Variants in ABCC1 observed in about 807,000 individuals in gnomAD.
ABCC1 encodes multidrug resistance-associated protein 1.
A neutral mutation model predicts 172.9 loss-of-function variants in ABCC1; 83 were observed. That is an observed-to-expected ratio of 0.48 (90% CI 0.40 to 0.58). ABCC1 has a LOEUF of 0.58. Among genes scored for constraint, ABCC1 ranks in the 20% least tolerant of loss-of-function variants. The pLI is 0.00. For synonymous variants in ABCC1, 937 were observed against 825.2 expected, an observed-to-expected ratio of 1.14 and a Z score of -2.32; for missense variants, 1,817 against 2,002.7, an observed-to-expected ratio of 0.91 and a Z score of 1.77.
chr16:16,128,493 A>G (rs2045538891), intron 26 of ABCC1, among the ~76,000 whole-genome samples: 1 of 152,076 alleles, frequency 6.6e-6, no homozygotes, highest in Admixed American at 6.5e-5. Flanking sequence ...TGACTTTTAT[A>G]TTTTTAGAAG....
intron 1 of ABCC1, among the ~76,000 whole-genome samples, chr16:15,990,269 A>G (rs2046828387): frequency 6.6e-6 from 1 of 150,766 alleles, no homozygotes; most frequent in Non-Finnish European, 1.5e-5. Flanking sequence ...CTGGTCTTGA[A>G]CTCCTGACTT....
rs141731232 is a variant in ABCC1, at chr16:16,000,099, C to T, written c.49-7717C>T. Among the ~76,000 whole-genome samples the T allele has an allele frequency of 3.6e-3, 544 of 151,544 alleles. 7 individuals are homozygous for T. The highest frequency in any genetic ancestry group is 0.013 in the African/African-American group (521 of 41,356). ...TGAACTCCTGATCTCATGATCTGCC[C>T]GCCTCGGTCTCCCAAAGTGTTGGGA... On this transcript the variant is annotated intron_variant, in intron 1 of 30. Coordinates refer to ENST00000399410, the MANE Select transcript of ABCC1 (RefSeq NM_004996.4).
chr16:16,000,667 C>T (rs2047276047), intron 1 of ABCC1, among the ~76,000 whole-genome samples: 1 of 151,902 alleles, frequency 6.6e-6, no homozygotes, highest in African/African-American at 2.4e-5. Flanking sequence ...ATTATGTTTC[C>T]CAGGCTGGTC....
At position 16,052,718 on chromosome 16, in the gene ABCC1, C is replaced by A. The variant is rs1200998752; in HGVS notation, c.1381-6C>A. 1 of 1,613,830 alleles carries A rather than the reference C, an allele frequency of 6.2e-7. No individual in the cohort carries two copies. The highest frequency in any genetic ancestry group is 8.5e-7 in the Non-Finnish European group (1 of 1,179,886). On this transcript the variant is annotated splice_polypyrimidine_tract_variant and splice_region_variant and intron_variant, in intron 10 of 30. Transcript: ENST00000399410. ...GAGTGATGAAGAGTCTCCTTTCCTT[C>A]CTTAGAATCTGGGCCCTTCCGTCCT...
intron 23 of ABCC1, among the ~76,000 whole-genome samples, chr16:16,118,043 T>C (rs2044975146): frequency 6.6e-6 from 1 of 152,210 alleles, no homozygotes; most frequent in South Asian, 2.1e-4. Flanking sequence ...TATCGCAGGA[T>C]AGATAATGTT....
intron 24 of ABCC1, among the ~76,000 whole-genome samples, chr16:16,122,743 T>G (rs976507713): frequency 2.8e-5 from 4 of 141,974 alleles, no homozygotes; most frequent in Non-Finnish European, 6.1e-5. Context: ...AAGTAGCCCA[T>G]CATGGTGGTG....
intron 19 of ABCC1, chr16:16,098,784 A>G: frequency 5.8e-6 from 7 of 1,200,608 alleles, no homozygotes; most frequent in Non-Finnish European, 7.9e-6. Context: ...TAGAAAAGAC[A>G]CTCCCTTCAC....
intron 6 of ABCC1, 125 bp downstream of exon 6, chr16:16,033,295 C>T: frequency 1.1e-6 from 1 of 931,834 alleles, no homozygotes; most frequent in East Asian, 2.5e-5. Context: ...GCAGAGTTGT[C>T]TTGAATCTGC....
At chr16:16,011,393 T>TAG (rs1019210947) in intron 3 of ABCC1, among the ~76,000 whole-genome samples, 2 of 151,960 alleles carry the variant, frequency 1.3e-5, no homozygotes, top group Non-Finnish European at 2.9e-5. Context: ...GTTGGGGGGA[T>TAG]AGAGTGGATG....
intron 14 of ABCC1, 47 bp downstream of exon 14, chr16:16,071,776 T>A (rs2050360243): frequency 6.6e-7 from 1 of 1,515,454 alleles, no homozygotes; most frequent in African/African-American, 1.4e-5. Flanking sequence ...CGCCTTCCCA[T>A]CTCCCACTGG....
chr16:16,121,770 C>A (rs2045168257), intron 23 of ABCC1, among the ~76,000 whole-genome samples: 1 of 152,166 alleles, frequency 6.6e-6, no homozygotes, highest in Admixed American at 6.5e-5. Flanking sequence ...TAAGCGTGAG[C>A]TATTATTGTC....
intron 22 of ABCC1, among the ~76,000 whole-genome samples, chr16:16,113,036 GA>G (rs2044690013): frequency 6.6e-6 from 1 of 152,176 alleles, no homozygotes; most frequent in South Asian, 2.1e-4. Context: ...CTGTTCCTAG[GA>G]AGTTGCTGCT....
intron 17 of ABCC1, 118 bp downstream of exon 17, chr16:16,083,660 C>A: frequency 1.5e-6 from 2 of 1,339,172 alleles, no homozygotes; most frequent in Non-Finnish European, 2.1e-6. Context: ...CAGGGCTCAG[C>A]TGGGCGGCTC....
chr16:16,044,943 A>C (rs2049140827), intron 8 of ABCC1, among the ~76,000 whole-genome samples: 1 of 152,124 alleles, frequency 6.6e-6, no homozygotes, highest in South Asian at 2.1e-4. Flanking sequence ...AGCCATGGTC[A>C]CTGCCTAGCT....
intron 7 of ABCC1, 62 bp downstream of exon 7, chr16:16,036,665 C>T: frequency 6.3e-7 from 1 of 1,575,330 alleles, no homozygotes; most frequent in Non-Finnish European, 8.7e-7. Context: ...CTCCTGTGGC[C>T]TCAATCCAGG....
At chr16:16,018,662 T>C (rs139141013) in intron 5 of ABCC1, among the ~76,000 whole-genome samples, 1 of 152,152 alleles carries the variant, frequency 6.6e-6, no homozygotes, top group Non-Finnish European at 1.5e-5. Flanking sequence ...CACACATCTG[T>C]GTATGTATTC....
intron 1 of ABCC1, among the ~76,000 whole-genome samples, chr16:16,002,251 A>G (rs1020302278): frequency 1.3e-5 from 2 of 152,172 alleles, no homozygotes; most frequent in Non-Finnish European, 2.9e-5. Context: ...AAAGTACGGA[A>G]CATTATGTAA....
At chr16:16,062,300 C>A (rs139559250) in intron 12 of ABCC1, among the ~76,000 whole-genome samples, 57 of 152,332 alleles carry the variant, frequency 3.7e-4, no homozygotes, top group African/African-American at 1.4e-3. Flanking sequence ...GAAACCACAG[C>A]AGAAGATGCT....
In ABCC1 at chr16:16,125,884, C is replaced by T. The variant is rs757455410; in HGVS notation, c.3792C>T (p.Leu1264=). The change falls in exon 26 of 31, where the codon CTC becomes CTT. Residue 1264 remains leucine, a synonymous_variant. Coordinates refer to ENST00000399410, the MANE Select transcript of ABCC1 (RefSeq NM_004996.4). ...CCAACATCGTGGCCGTGGAGAGGCT[C>T]AAGGAGTATTCAGAGACTGAGAAGG... ...METNIVAVER[L]KEYSETEKEA... is the part of the protein sequence containing the mutation. 6 of 1,614,050 alleles carry T rather than the reference C, an allele frequency of 3.7e-6. No homozygotes were observed. The highest frequency in any genetic ancestry group is 5.1e-6 in the Non-Finnish European group (6 of 1,180,000).
Sources: gnomAD v4.1 joint callset for allele counts (sites outside exome capture counted in the v4.1 genomes callset) on GRCh38, gnomAD v4.1.1 for gene constraint, MANE v1.5 for transcripts, NCBI Gene and HGNC (gene_info 2026-07-23, HGNC 2026-07-21) for gene names.